Variants in CCDC9 observed in about 807,000 individuals in gnomAD.
CCDC9 encodes the protein coiled-coil domain-containing protein 9.
CCDC9 carries 52 observed loss-of-function variants against 65.6 expected under a neutral mutation model. That is an observed-to-expected ratio of 0.79 (90% confidence interval 0.63 to 1.00). The LOEUF is 1.00. Ranked by LOEUF, CCDC9 falls within the 50% of genes least tolerant of loss-of-function variation. The probability of loss-of-function intolerance (pLI) is 0.00; values close to 1 mark genes in which losing one functional copy is unlikely to be tolerated. For missense variants in CCDC9, 834 were observed against 757.2 expected (o/e 1.10, Z -1.19); for synonymous variants, 332 against 280.3 (o/e 1.18, Z -1.84).
intron 1 of CCDC9, chr19:47,257,407 T>G (rs1280365997): frequency 7.9e-6 from 1 of 127,006 alleles, no homozygotes; most frequent in Non-Finnish European, 1.6e-5. Context: ...GGGGCCACAT[T>G]AATGGCCCAT....
At chr19:47,258,166 T>C (rs1440812841) in intron 1 of CCDC9, 164 bp from the exon 2 acceptor site, 3 of 590,832 alleles carry the variant, frequency 5.1e-6, no homozygotes, top group African/African-American at 3.7e-5. Context: ...TGAATTTCTA[T>C]GGAGAAGATG....
At chr19:47,274,082 A>G (rs1297151094), downstream of CCDC9, 2 of 682,566 alleles carry the variant, frequency 2.9e-6, no homozygotes, top group East Asian at 1.3e-4. Context: ...TTTCTACCCC[A>G]GAGCCTAGTC....
At chr19:47,261,078 C>G (rs1045988452) in intron 5 of CCDC9, among the ~76,000 whole-genome samples, 1 of 151,944 alleles carries the variant, frequency 6.6e-6, no homozygotes, top group East Asian at 1.9e-4. Flanking sequence ...TTTTCCTTGT[C>G]TCTTTCTCTC....
chr19:47,264,386 G>A (rs4804036), intron 5 of CCDC9, among the ~76,000 whole-genome samples: 50,760 of 152,132 alleles, frequency 0.33, 8,800 homozygotes, highest in East Asian at 0.6. Flanking sequence ...CAGTAGGAAG[G>A]CGAATGCAGC....
rs1195354450 is a variant in CCDC9, at chr19:47,270,667, A to G, written c.1064A>G (p.Lys355Arg). ...RRRKSSRPQAKAAPRAYSDHD... is the reference protein window; with the variant it reads ...RRRKSSRPQARAAPRAYSDHD... ...AGAAAGAGCAGTCGGCCCCAGGCCA[A>G]GGCAGCGCCCAGGGCCTACAGGTGG... Residue 355 changes from lysine to arginine, a missense_variant, in exon 10 of 12, where the codon AAG becomes AGG. Coordinates refer to ENST00000221922, the MANE Select transcript of CCDC9 (RefSeq NM_015603.3). 1.2e-6 allele frequency: 2 copies of G among 1,611,690 alleles called. No individual in the cohort carries two copies. Among genetic ancestry groups the G allele is most frequent in the Non-Finnish European group, 1.7e-6 (2 of 1,179,896 alleles).
Position 47,260,806 on chromosome 19 carries a change from T to C in CCDC9, c.429T>C (p.Ala143=), listed in dbSNP as rs2059040116. 5 of 1,613,338 alleles carry C rather than the reference T, an allele frequency of 3.1e-6. No individual in the cohort carries two copies. The East Asian group carries it at 1.1e-4, about 36-fold the overall frequency. Residue 143 remains alanine (A), a synonymous_variant, in exon 5 of 12, where the codon GCT becomes GCC. Transcript: ENST00000221922. ...GAGGTTCACCTCACCTCTCTGGAGC[T>C]GGAGACACCTCAATCTCTGACCGTA... The part of the protein sequence containing the change: ...RGRGSPHLSG[A]GDTSISDRKS...
Position 47,271,207 on chromosome 19 carries a change from C to G in CCDC9, c.1191+20C>G. On this transcript the variant is annotated intron_variant, in intron 11 of 11. Coordinates refer to ENST00000221922, the MANE Select transcript of CCDC9 (RefSeq NM_015603.3). The stretch of plus-strand genomic sequence containing the variant: ...ATGCAGGTGAGGCTGGGCTGTGGTT[C>G]AGGGCACGGGCCTGGGGTGGGGGCT... The G allele has an allele frequency of 6.2e-7, 1 of 1,605,652 alleles. No homozygotes were observed.
At chr19:47,261,050 C>A (rs755442895) in intron 5 of CCDC9, among the ~76,000 whole-genome samples, 1 of 151,986 alleles carries the variant, frequency 6.6e-6, no homozygotes, top group African/African-American at 2.4e-5. Context: ...TTCCCTCTCA[C>A]GCCTAGAGCT....
rs759449535 is a variant in CCDC9 at position 47,271,459 on chromosome 19, G to T, written c.1377G>T (p.Gly459=). 20 of 1,613,586 alleles carry T rather than the reference G, an allele frequency of 1.2e-5. No individual in the cohort carries two copies. Among genetic ancestry groups the T allele is most frequent in the Non-Finnish European group, 1.5e-5 (18 of 1,179,898 alleles). ...DHQAPEAAPT[G]IPCSEQAHGV... ...AAGCCCCAGAGGCTGCCCCCACCGG[G>T]ATCCCCTGCAGTGAGCAGGCCCACG... Residue 459 remains glycine, a synonymous_variant, in exon 12 of 12, where the codon GGG becomes GGT. Transcript: ENST00000221922.
chr19:47,265,827 A>G (rs1298848713), intron 7 of CCDC9, among the ~76,000 whole-genome samples: 1 of 150,464 alleles, frequency 6.6e-6, no homozygotes, highest in Non-Finnish European at 1.5e-5. Flanking sequence ...AGCTGGGACT[A>G]AGGTGCCCAC....
At chr19:47,275,486 A>C, downstream of CCDC9, 5 of 1,260,478 alleles carry the variant, frequency 4.0e-6, no homozygotes, top group Non-Finnish European at 5.3e-6. Context: ...ATCCCGCGGA[A>C]TGGGGGCCCA....
chr19:47,264,533 A>G (rs1157865035), intron 5 of CCDC9, 70 bp from the exon 6 acceptor site: 1 of 1,431,948 alleles, frequency 7.0e-7, no homozygotes, highest in Non-Finnish European at 9.6e-7. Context: ...CCTGCTGGGC[A>G]GCCCGTCTCC....
intron 7 of CCDC9, among the ~76,000 whole-genome samples, chr19:47,265,469 G>A (rs935743208): frequency 3.9e-5 from 6 of 152,116 alleles, no homozygotes; most frequent in Non-Finnish European, 8.8e-5. Flanking sequence ...CAGGTGCTGT[G>A]TGAGGGGTGG....
At chr19:47,265,062 G>C in intron 7 of CCDC9, 116 bp downstream of exon 7, 1 of 922,852 alleles carries the variant, frequency 1.1e-6, no homozygotes, top group Non-Finnish European at 1.4e-6. Flanking sequence ...CACAGCACAG[G>C]ACTTTTTTTT....
intron 3 of CCDC9, among the ~76,000 whole-genome samples, chr19:47,259,063 A>T (rs376955059): frequency 6.6e-6 from 1 of 152,202 alleles, no homozygotes; most frequent in Non-Finnish European, 1.5e-5. Flanking sequence ...TGGGGATATC[A>T]GGGAGGGCTT....
In CCDC9 at chr19:47,260,860, G is replaced by A. The variant is rs190984710; in HGVS notation, c.462+21G>A. 4.2e-4 allele frequency: 679 copies of A among 1,598,576 alleles called. 4 individuals are homozygous for A. The highest frequency in any genetic ancestry group is 4.9e-5 in the Non-Finnish European group (57 of 1,174,648). ...CCAAGGTAGGAGCTAGGCAGCGCCTGGAGCCCTGGCTGAGGTTCTCTGTTG... is the reference window on the plus strand; with the variant it reads ...CCAAGGTAGGAGCTAGGCAGCGCCTAGAGCCCTGGCTGAGGTTCTCTGTTG... On this transcript the variant is annotated intron_variant, in intron 5 of 11. Coordinates refer to ENST00000221922, the MANE Select transcript of CCDC9 (RefSeq NM_015603.3).
intron 1 of CCDC9, chr19:47,258,106 G>C (rs888940125): frequency 2.0e-6 from 1 of 509,558 alleles, no homozygotes; most frequent in Admixed American, 3.5e-5. Flanking sequence ...TGACTAGATC[G>C]TTTACATGGG....
In CCDC9 at chr19:47,271,727, GT is replaced by G; in HGVS notation, c.*50del. The G allele has an allele frequency of 4.9e-6, 4 of 815,000 alleles. No individual in the cohort carries two copies. The highest frequency in any genetic ancestry group is 6.0e-6 in the Non-Finnish European group (4 of 669,278). The allele number at this position is 815,000 out of a possible 1,614,324, so 50.5% of individuals were successfully genotyped here. ...TGTGTGTGTGTGTGTGTGTGTGTGTGTGTGTGCGCGCGCGCGCGCGCGCGCG... is the reference window on the plus strand; with the variant it reads ...TGTGTGTGTGTGTGTGTGTGTGTGTGGTGTGCGCGCGCGCGCGCGCGCGCG... On this transcript the variant is annotated 3_prime_UTR_variant, in exon 12 of 12. Coordinates refer to ENST00000221922, the MANE Select transcript of CCDC9 (RefSeq NM_015603.3).
chr19:47,264,947 G>A lies in CCDC9; in HGVS notation c.720+1G>A, dbSNP rs202156396. 1.8e-3 allele frequency: 2,533 copies of A among 1,443,144 alleles called. 3 individuals are homozygous for A. The highest frequency in any genetic ancestry group is 2.1e-3 in the Non-Finnish European group (2,361 of 1,101,956). The allele number at this position is 1,443,144 out of a possible 1,614,324, so 89.4% of individuals were successfully genotyped here. ...CTGTGGCCTTGAGCACGAGCGGCAGGTGGGTGTTGGCAGTGAGGACACCTC... is the reference window on the plus strand; with the variant it reads ...CTGTGGCCTTGAGCACGAGCGGCAGATGGGTGTTGGCAGTGAGGACACCTC... On this transcript the variant is annotated splice_donor_variant, in intron 7 of 11. Transcript: ENST00000221922. LOFTEE classifies it high-confidence loss of function.
Sources: gnomAD v4.1 joint callset for allele counts (sites outside exome capture counted in the v4.1 genomes callset) on GRCh38, gnomAD v4.1.1 for gene constraint, MANE v1.5 for transcripts, NCBI Gene and HGNC (gene_info 2026-07-23, HGNC 2026-07-21) for gene names.